Variants in NELFA observed in about 807,000 individuals in gnomAD.
The protein encoded by NELFA is negative elongation factor complex member A, also known as negative elongation factor A.
A neutral mutation model predicts 51.8 loss-of-function variants in NELFA; 35 were observed. That is an observed-to-expected ratio of 0.68 (90% CI 0.52 to 0.90). NELFA has a LOEUF of 0.90. NELFA is among the 40% of genes least tolerant of loss of function. The probability of loss-of-function intolerance (pLI) is 0.00; values close to 1 mark genes in which losing one functional copy is unlikely to be tolerated. For synonymous variants in NELFA, 417 were observed against 338.4 expected (o/e 1.23, Z -2.55); for missense variants, 658 against 746.4 (o/e 0.88, Z 1.38).
intron 1 of NELFA, among the ~76,000 whole-genome samples, chr4:1,997,487 T>G (rs571608843): frequency 6.6e-6 from 1 of 152,370 alleles, no homozygotes; most frequent in South Asian, 2.1e-4. Context: ...TGGTTTATAA[T>G]TAAAGCTATT....
intron 1 of NELFA, among the ~76,000 whole-genome samples, chr4:2,005,319 AC>A (rs1289405793): frequency 2.6e-5 from 4 of 152,180 alleles, no homozygotes; most frequent in African/African-American, 2.4e-5. Flanking sequence ...GAGAAAAAAA[AC>A]AAAAGGTAAT....
At chr4:1,997,112 A>G (rs1258264069) in intron 1 of NELFA, among the ~76,000 whole-genome samples, 1 of 152,154 alleles carries the variant, frequency 6.6e-6, no homozygotes, top group East Asian at 1.9e-4. Context: ...ACTATGCATT[A>G]AAACAAACAA....
chr4:1,988,790 G>A (rs1408460041), intron 3 of NELFA, among the ~76,000 whole-genome samples: 2 of 152,142 alleles, frequency 1.3e-5, no homozygotes, highest in Non-Finnish European at 2.9e-5. Flanking sequence ...GAGATCACCC[G>A]CCACTCCAGA....
chr4:1,991,991 C>T, intron 1 of NELFA: 1 of 383,972 alleles, frequency 2.6e-6, no homozygotes, highest in South Asian at 3.7e-5. Context: ...GTCCACTGGG[C>T]CTACTCTTCC....
chr4:1,988,859 G>A (rs532129333), intron 3 of NELFA, among the ~76,000 whole-genome samples: 15 of 151,986 alleles, frequency 9.9e-5, no homozygotes, highest in Admixed American at 6.5e-4. Flanking sequence ...GGCACCCACC[G>A]TGCCCAACAG....
At chr4:1,984,406 T>TCC (rs1728016666) in intron 8 of NELFA, among the ~76,000 whole-genome samples, 1 of 152,070 alleles carries the variant, frequency 6.6e-6, no homozygotes, top group East Asian at 1.9e-4. Context: ...GAAGGCTGTA[T>TCC]CCTCAAGCCC....
Position 1,992,314 on chromosome 4 carries a change from C to A in NELFA, c.211-599G>T, listed in dbSNP as rs144587431. The A allele has an allele frequency of 8.3e-3, 2,017 of 244,372 alleles. 18 individuals are homozygous for A. The highest frequency in any genetic ancestry group is 0.019 in the Middle Eastern group (28 of 1,508). The allele number at this position is 244,372 out of a possible 1,614,324, so 15.1% of individuals were successfully genotyped here. ...TGGCGCTCGTGGAGCCTGGAGGTGGCCCCGGGATCTGGAGTGAGGCCAGGG... is the reference window on the plus strand; with the variant it reads ...TGGCGCTCGTGGAGCCTGGAGGTGGACCCGGGATCTGGAGTGAGGCCAGGG... On this transcript the variant is annotated intron_variant, in intron 1 of 10. Transcript: ENST00000382882.
At chr4:2,007,329 C>T (rs1308965756) in intron 1 of NELFA, 1 of 183,540 alleles carries the variant, frequency 5.4e-6, no homozygotes, top group African/African-American at 2.4e-5. Flanking sequence ...AACACCTGAA[C>T]ATATGACCGT....
chr4:1,986,235 GC>G (rs2109055323), intron 5 of NELFA, 36 bp downstream of exon 5: 4 of 1,565,038 alleles, frequency 2.6e-6, no homozygotes, highest in East Asian at 4.8e-5. Flanking sequence ...GGCGCAACGG[GC>G]CCCGGGGTGC....
At chr4:1,986,588 G>C in intron 4 of NELFA, 186 bp from the exon 5 acceptor site, 1 of 845,870 alleles carries the variant, frequency 1.2e-6, no homozygotes, top group Non-Finnish European at 1.8e-6. Flanking sequence ...CTGGAGCCAC[G>C]ACCTCACACT....
chr4:2,001,038 A>G (rs2109066232), intron 1 of NELFA, among the ~76,000 whole-genome samples: 1 of 152,362 alleles, frequency 6.6e-6, no homozygotes, highest in South Asian at 2.1e-4. Flanking sequence ...ACCAAAGACA[A>G]AAACCACATG....
intron 1 of NELFA, among the ~76,000 whole-genome samples, chr4:2,008,438 G>A (rs529794267): frequency 6.6e-6 from 1 of 150,518 alleles, no homozygotes; most frequent in Non-Finnish European, 1.5e-5. Context: ...AAAGTAGGGA[G>A]GTGAGGACCC....
rs200279024 is a variant in NELFA, at chr4:1,991,719, C to G, written c.211-4G>C. The G allele has an allele frequency of 1.6e-5, 25 of 1,586,928 alleles. No homozygotes were observed. The African/African-American group carries it at 3.1e-4, about 20-fold the overall frequency. ...TCTCCATTAGGGCGCCCTTCATCTG[C>G]AAAATAGGATGCTGCCGGCGCCACC... On this transcript the variant is annotated splice_polypyrimidine_tract_variant and splice_region_variant and intron_variant, in intron 1 of 10. Coordinates refer to ENST00000382882, the MANE Select transcript of NELFA (RefSeq NM_005663.5).
chr4:2,008,174 C>T (rs375897568), intron 1 of NELFA: 45 of 386,016 alleles, frequency 1.2e-4, no homozygotes, highest in African/African-American at 7.6e-4. Context: ...GGGCTGCGTC[C>T]CCGACGGGAA....
chr4:1,989,647 C>T lies in NELFA; in HGVS notation c.544+61G>A. ...AGGGGCAGTCTTGGTACCTTAGAAC[C>T]TAAGAAACCTATGACTGGAAACTAC... On this transcript the variant is annotated intron_variant, in intron 3 of 10. Transcript: ENST00000382882. The surrounding 1 kb of genome is among the most constrained non-coding windows in gnomAD (Gnocchi z 4.8). The T allele has an allele frequency of 2.6e-6, 4 of 1,555,668 alleles. No homozygotes were observed. Among genetic ancestry groups the T allele is most frequent in the Non-Finnish European group, 3.5e-6 (4 of 1,148,922 alleles).
At position 1,983,837 on chromosome 4, in the gene NELFA, T is replaced by G. The variant is rs2109052617; in HGVS notation, c.1302+11A>C. The G allele has an allele frequency of 6.4e-7, 1 of 1,572,794 alleles. No homozygotes were observed. The highest frequency in any genetic ancestry group is 8.6e-7 in the Non-Finnish European group (1 of 1,158,816). On this transcript the variant is annotated intron_variant, in intron 9 of 10. Transcript: ENST00000382882. ...CCTGGTGGCCTGTGGGCCCTACCAG[T>G]GTACACCTACCGTGAGGGACAGGTT...
chr4:1,989,993 G>T lies in NELFA; in HGVS notation c.383-124C>A. On this transcript the variant is annotated intron_variant, in intron 2 of 10. Transcript: ENST00000382882. The surrounding 1 kb of genome is among the most constrained non-coding windows in gnomAD (Gnocchi z 4.8). ...GGGTTAGGTCATGGGAGCTTCGGCTGTCCCCTGAGGTCCTCGAGACTGACT... is the reference window on the plus strand; with the variant it reads ...GGGTTAGGTCATGGGAGCTTCGGCTTTCCCCTGAGGTCCTCGAGACTGACT... 1 of 1,104,834 alleles carries T rather than the reference G, an allele frequency of 9.1e-7. No homozygotes were observed. Among genetic ancestry groups the T allele is most frequent in the South Asian group, 1.5e-5 (1 of 64,564 alleles). The allele number at this position is 1,104,834 out of a possible 1,614,324, so 68.4% of individuals were successfully genotyped here. A position where few individuals can be genotyped will look rare whatever the true frequency, so the allele number is the denominator to read the frequency against.
At chr4:1,985,739 A>C in intron 7 of NELFA, 37 bp downstream of exon 7, 1 of 1,546,150 alleles carries the variant, frequency 6.5e-7, no homozygotes, top group East Asian at 2.2e-5. Flanking sequence ...GGGCACCCGC[A>C]GTGGTGCCAG....
intron 2 of NELFA, among the ~76,000 whole-genome samples, chr4:1,990,853 T>C (rs1728249998): frequency 6.6e-6 from 1 of 152,178 alleles, no homozygotes; most frequent in South Asian, 2.1e-4. Flanking sequence ...CAGGCTGGAG[T>C]GCAGTGGCGC....
Sources: gnomAD v4.1 joint callset for allele counts (sites outside exome capture counted in the v4.1 genomes callset) on GRCh38, gnomAD v4.1.1 for gene constraint, Gnocchi (gnomAD v3.1) non-coding constraint, MANE v1.5 for transcripts, NCBI Gene and HGNC (gene_info 2026-07-23, HGNC 2026-07-21) for gene names.